SURF2: variants seen among roughly 807,000 people sequenced by gnomAD.
SURF2 encodes surfeit 2.
In SURF2, 32 loss-of-function variants were observed where a neutral mutation model predicts 26.2. The observed-to-expected ratio is 1.22, with a 90% CI of 0.92 to 1.64. The LOEUF (loss-of-function observed/expected upper bound fraction) is 1.64, where lower values mean the gene tolerates loss of function less well. Ranked by LOEUF, SURF2 falls within the 40% of genes most tolerant of loss-of-function variation. The pLI is 0.00. For missense variants in SURF2, 415 were observed against 341.6 expected, an observed-to-expected ratio of 1.21 and a Z score of -1.69; for synonymous variants, 173 against 139.1, an observed-to-expected ratio of 1.24 and a Z score of -1.71.
intron 3 of SURF2, among the ~76,000 whole-genome samples, chr9:133,358,131 C>T (rs2130038519): frequency 2.0e-5 from 3 of 151,998 alleles, no homozygotes; most frequent in African/African-American, 7.3e-5. Context: ...GGGATTCGCT[C>T]GAGGCTGAGG....
intron 5 of SURF2, 132 bp from the exon 6 acceptor site, chr9:133,360,924 G>A (rs1836757909): frequency 5.6e-6 from 5 of 893,536 alleles, no homozygotes; most frequent in Non-Finnish European, 9.0e-6. Context: ...AGGAAACGGG[G>A]GTGGAGAAAG....
chr9:133,357,881 A>T, intron 3 of SURF2, 67 bp downstream of exon 3: 1 of 1,508,290 alleles, frequency 6.6e-7, no homozygotes, highest in East Asian at 2.3e-5. Flanking sequence ...CCCCAGATGG[A>T]GCGTGCTTGA....
rs118090619 is a variant in SURF2, at chr9:133,358,970, A to G, written c.338-980A>G. Among the ~76,000 whole-genome samples, 43 of 152,320 alleles carry G rather than the reference A, an allele frequency of 2.8e-4. No individual in the cohort carries two copies. The East Asian group carries it at 4.3e-3, about 15-fold the overall frequency. ...GAGAAGGCAGGACCAGGGTTTCTCAAGTAGAAGGCGGGCACCTTGCAGAGG... is the reference window on the plus strand; with the variant it reads ...GAGAAGGCAGGACCAGGGTTTCTCAGGTAGAAGGCGGGCACCTTGCAGAGG... On this transcript the variant is annotated intron_variant, in intron 3 of 5. Transcript: ENST00000371964.
intron 3 of SURF2, among the ~76,000 whole-genome samples, chr9:133,359,492 G>A (rs900084982): frequency 6.6e-6 from 1 of 152,224 alleles, no homozygotes; most frequent in Non-Finnish European, 1.5e-5. Context: ...CTAAGGGGCA[G>A]CAAAGGCCAG....
At chr9:133,360,176 G>A (rs2130048611) in intron 4 of SURF2, 47 bp downstream of exon 4, 1 of 1,591,184 alleles carries the variant, frequency 6.3e-7, no homozygotes, top group Non-Finnish European at 8.6e-7. Flanking sequence ...ACTGTCAGCA[G>A]GGAGCAGACT....
chr9:133,359,842 C>A, intron 3 of SURF2, 108 bp from the exon 4 acceptor site: 1 of 1,313,880 alleles, frequency 7.6e-7, no homozygotes, highest in Non-Finnish European at 1.0e-6. Context: ...TTGTCCAGGG[C>A]GGTGGGGCTG....
In SURF2 at chr9:133,357,821, C is replaced by T. The variant is rs2130037134; in HGVS notation, c.337+7C>T. On this transcript the variant is annotated splice_region_variant and intron_variant, in intron 3 of 5. Coordinates refer to ENST00000371964, the MANE Select transcript of SURF2 (RefSeq NM_017503.5). ...CAGCGAGCTCTGTGTAAATGTAAGTCCCAGTGGACCCCCATCAGTGCATCG... is the reference window on the plus strand; with the variant it reads ...CAGCGAGCTCTGTGTAAATGTAAGTTCCAGTGGACCCCCATCAGTGCATCG... The T allele has an allele frequency of 1.7e-4, 281 of 1,612,456 alleles. No homozygotes were observed. Among genetic ancestry groups the T allele is most frequent in the Non-Finnish European group, 2.3e-4 (274 of 1,179,570 alleles).
At position 133,361,108 on chromosome 9, in the gene SURF2, A is replaced by G; in HGVS notation, c.740A>G (p.Lys247Arg). 2 of 1,614,232 alleles carry G rather than the reference A, an allele frequency of 1.2e-6. No homozygotes were observed. The highest frequency in any genetic ancestry group is 1.1e-5 in the South Asian group (1 of 91,090). The change falls in exon 6 of 6, where the codon AAG (lysine) becomes AGG (arginine). Residue 247 changes from lysine (K) to arginine (R), a missense_variant. Coordinates refer to ENST00000371964, the MANE Select transcript of SURF2 (RefSeq NM_017503.5). Reference protein sequence around the residue: ...KKFKSHHRKPKSFSSCKQPG With the variant: ...KKFKSHHRKPRSFSSCKQPG ...TTCAAGAGTCATCACCGCAAACCCA[A>G]GAGCTTCAGCTCCTGTAAACAGCCA...
rs182336717 is a variant in SURF2 at position 133,361,153 on chromosome 9, C to T, written c.*14C>T. On this transcript the variant is annotated 3_prime_UTR_variant, in exon 6 of 6. Coordinates refer to ENST00000371964, the MANE Select transcript of SURF2 (RefSeq NM_017503.5). The stretch of plus-strand genomic sequence containing the variant: ...CAGCCAGGTTAATAAAAGCACATGC[C>T]GTGAAGTTTCGAGAAAGCCTTCAGA... The T allele has an allele frequency of 3.8e-5, 62 of 1,613,612 alleles. No individual in the cohort carries two copies. The Admixed American group carries it at 8.2e-4, about 21-fold the overall frequency.
chr9:133,359,857 G>T, intron 3 of SURF2, 93 bp from the exon 4 acceptor site: 1 of 1,421,686 alleles, frequency 7.0e-7, no homozygotes, highest in South Asian at 1.4e-5. Context: ...GGGCTGTGGG[G>T]CCCTGGCCGA....
rs782773104 is a variant in SURF2 at position 133,356,666 on chromosome 9, G to T, written c.74G>T (p.Arg25Leu). Residue 25 changes from arginine (R) to leucine (L), a missense_variant, in exon 1 of 6, where the codon CGC becomes CTC. Transcript: ENST00000371964. The stretch of plus-strand genomic sequence containing the variant: ...AGCCTGCGGCTCCAGACGGACGCCC[G>T]CAAGGTTCGCAGCGCGGGAGGGGAA... ...HPSLRLQTDA[R>L]KVRCILTGHE... 1.3e-6 allele frequency: 2 copies of T among 1,516,306 alleles called. No individual in the cohort carries two copies. The highest frequency in any genetic ancestry group is 1.8e-6 in the Non-Finnish European group (2 of 1,138,918). The allele number at this position is 1,516,306 out of a possible 1,614,324, so 93.9% of individuals were successfully genotyped here. A position where few individuals can be genotyped will look rare whatever the true frequency, so the allele number is the denominator to read the frequency against.
intron 3 of SURF2, among the ~76,000 whole-genome samples, chr9:133,358,283 C>A (rs1159221997): frequency 6.6e-6 from 1 of 151,978 alleles, no homozygotes; most frequent in East Asian, 1.9e-4. Context: ...CCCGGATGAC[C>A]CAGAGACCAG....
chr9:133,357,178 C>T, intron 2 of SURF2, 110 bp downstream of exon 2: 2 of 1,333,338 alleles, frequency 1.5e-6, no homozygotes, highest in Non-Finnish European at 2.0e-6. Context: ...AGCCCTGGGA[C>T]CCAGGTGGGC....
chr9:133,359,456 C>T (rs1836693354), intron 3 of SURF2, among the ~76,000 whole-genome samples: 1 of 152,212 alleles, frequency 6.6e-6, no homozygotes, highest in South Asian at 2.1e-4. Flanking sequence ...TCCATGGAAG[C>T]CTTGTCCCAA....
At position 133,357,800 on chromosome 9, in the gene SURF2, G is replaced by C. The variant is rs2130036851; in HGVS notation, c.323G>C (p.Arg108Pro). ...CACACCCAGGGCCGGCGGTACCAGC[G>C]AGCTCTGTGTAAATGTAAGTCCCAG... is the stretch of plus-strand genomic sequence containing the variant. ...LRHTQGRRYQ[R>P]ALCKYEECQK... Residue 108 changes from arginine to proline, a missense_variant, in exon 3 of 6, where the codon CGA becomes CCA. By Grantham distance (103) the Arg-to-Pro change is moderately radical. Transcript: ENST00000371964. 6.2e-7 allele frequency: 1 copy of C among 1,613,478 alleles called. No homozygotes were observed. Among genetic ancestry groups the C allele is most frequent in the Non-Finnish European group, 8.5e-7 (1 of 1,179,996 alleles).
chr9:133,360,627 T>C (rs1836745992), intron 5 of SURF2, among the ~76,000 whole-genome samples, 193 bp downstream of exon 5: 1 of 152,250 alleles, frequency 6.6e-6, no homozygotes. Flanking sequence ...AGCCAGCCCC[T>C]TGTGGAAGCC....
At position 133,360,274 on chromosome 9, in the gene SURF2, T is replaced by C. The variant is rs2130049665; in HGVS notation, c.527T>C (p.Phe176Ser). Reference protein sequence around the residue: ...SMTDLYPPELFTRKDLGSTED... With the variant: ...SMTDLYPPELSTRKDLGSTED... ...CCTGTGTTCCTCCCAGCTGAGCTAT[T>C]CACCAGAAAGGACCTTGGAAGCACG... The change falls in exon 5 of 6, where the codon TTC becomes TCC. Residue 176 changes from phenylalanine to serine, a missense_variant. Physicochemically the swap from Phe to Ser is radical, Grantham distance 155. Transcript: ENST00000371964. 6.2e-7 allele frequency: 1 copy of C among 1,613,828 alleles called. No homozygotes were observed. Among genetic ancestry groups the C allele is most frequent in the Non-Finnish European group, 8.5e-7 (1 of 1,179,896 alleles).
intron 2 of SURF2, 77 bp downstream of exon 2, chr9:133,357,145 G>T: frequency 7.1e-7 from 1 of 1,405,006 alleles, no homozygotes. Flanking sequence ...CAGTGCTGCA[G>T]CCCCTACTCT....
chr9:133,356,645 T>C lies in SURF2; in HGVS notation c.53T>C (p.Leu18Pro), dbSNP rs2130029182. The C allele has an allele frequency of 3.9e-6, 6 of 1,526,468 alleles. No homozygotes were observed. Among genetic ancestry groups the C allele is most frequent in the Middle Eastern group, 2.0e-4 (1 of 4,996 alleles). 94.6% of individuals were successfully genotyped at this position (1,526,468 alleles called of 1,614,324 possible). The change falls in exon 1 of 6, where the codon CTG becomes CCG. Residue 18 changes from leucine (L) to proline (P), a missense_variant. Transcript: ENST00000371964. ...VRAFLREHPSLRLQTDARKVR... is the reference protein window; with the variant it reads ...VRAFLREHPSPRLQTDARKVR... ...GCGTTTCTGCGGGAGCACCCGAGCC[T>C]GCGGCTCCAGACGGACGCCCGCAAG...
Sources: allele counts gnomAD v4.1 joint callset (sites outside exome capture counted in the v4.1 genomes callset), GRCh38; gene constraint gnomAD v4.1.1; transcripts MANE v1.5; gene names NCBI Gene and HGNC (gene_info 2026-07-23, HGNC 2026-07-21).